LEO1: variants seen among roughly 807,000 people sequenced by gnomAD.
LEO1 encodes the protein LEO1 component of Paf1/RNA polymerase II complex.
LEO1 carries 34 observed loss-of-function variants against 80.4 expected under a neutral mutation model. The ratio of observed to expected loss-of-function variants is 0.42; its 90% CI spans 0.32 to 0.56. The LOEUF (loss-of-function observed/expected upper bound fraction) is 0.56. Among genes scored for constraint, LEO1 ranks in the 20% least tolerant of loss-of-function variants. The probability of loss-of-function intolerance (pLI) is 0.10; values close to 1 mark genes in which losing one functional copy is unlikely to be tolerated. For missense variants in LEO1, 631 were observed against 814.2 expected, an observed-to-expected ratio of 0.77 and a Z score of 2.74; for synonymous variants, 262 against 274.9, an observed-to-expected ratio of 0.95 and a Z score of 0.46.
chr15:51,959,271 T>C (rs1471199604), intron 5 of LEO1, among the ~76,000 whole-genome samples: 2 of 152,244 alleles, frequency 1.3e-5, no homozygotes, highest in African/African-American at 4.8e-5. Flanking sequence ...CCCAAAGTGC[T>C]GGGATTATAG....
intron 10 of LEO1, among the ~76,000 whole-genome samples, chr15:51,948,816 C>A (rs192418528): frequency 1.3e-5 from 2 of 152,170 alleles, no homozygotes; most frequent in Non-Finnish European, 2.9e-5. Flanking sequence ...CTTCTTAGTT[C>A]GCTTTTCACC....
chr15:51,949,739 T>TGCCAAGA, intron 10 of LEO1, 69 bp downstream of exon 10: 1 of 1,307,430 alleles, frequency 7.6e-7, no homozygotes, highest in South Asian at 1.3e-5. Flanking sequence ...GGCAGCCGGA[T>TGCCAAGA]TACATCTAAT....
At chr15:51,954,806 A>G (rs2056975905) in intron 6 of LEO1, 4 of 494,440 alleles carry the variant, frequency 8.1e-6, no homozygotes, top group Non-Finnish European at 1.1e-5. Context: ...TAGAATCATA[A>G]TCATAGAGAA....
intron 6 of LEO1, among the ~76,000 whole-genome samples, chr15:51,957,848 C>T (rs1425380513): frequency 6.6e-6 from 1 of 151,960 alleles, no homozygotes; most frequent in Admixed American, 6.6e-5. Flanking sequence ...TCGTGAAACC[C>T]TGTCTCTACT....
chr15:51,941,349 C>CCT (rs1398831180), intron 11 of LEO1, among the ~76,000 whole-genome samples: 1 of 152,036 alleles, frequency 6.6e-6, no homozygotes, highest in Non-Finnish European at 1.5e-5. Context: ...AATGCAGGTC[C>CCT]CTGTAGATAC....
At chr15:51,967,444 G>A (rs900844347) in intron 1 of LEO1, among the ~76,000 whole-genome samples, 18 of 152,202 alleles carry the variant, frequency 1.2e-4, no homozygotes, top group Non-Finnish European at 1.0e-4. Flanking sequence ...TTGCACTCTA[G>A]CCTGAGTGAC....
At position 51,954,904 on chromosome 15, in the gene LEO1, G is replaced by A. The variant is rs748288083; in HGVS notation, c.1246-329C>T. ...ACAGTAAGAATTACAAGGGTCAGGC[G>A]ATAAAACTTGAGTCCATGTGAGGCA... is the stretch of plus-strand genomic sequence containing the variant. On this transcript the variant is annotated intron_variant, in intron 6 of 11. Coordinates refer to ENST00000299601, the MANE Select transcript of LEO1 (RefSeq NM_138792.4). 25 of 184,156 alleles carry A rather than the reference G, an allele frequency of 1.4e-4. 1 individual carries two copies. The highest frequency in any genetic ancestry group is 1.4e-4 in the Non-Finnish European group (13 of 89,956). The allele number at this position is 184,156 out of a possible 1,614,324, so 11.4% of individuals were successfully genotyped here.
Position 51,965,819 on chromosome 15 carries a change from A to C in LEO1, c.744T>G (p.Asp248Glu), listed in dbSNP as rs1352502470. The C allele has an allele frequency of 6.2e-7, 1 of 1,614,050 alleles. No individual in the cohort carries two copies. Among genetic ancestry groups the C allele is most frequent in the Admixed American group, 1.7e-5 (1 of 59,996 alleles). ...CTTCATCTGAGGCCTGTGGCCTTTC[A>C]TCATCAGAATTTTGCATTTTCTCTT... ...SDEEKMQNSDDERPQASDEEH... is the reference protein window; with the variant it reads ...SDEEKMQNSDEERPQASDEEH... The change falls in exon 2 of 12, where the codon GAT becomes GAG. Residue 248 changes from aspartate (D) to glutamate (E), a missense_variant. Transcript: ENST00000299601.
Position 51,960,058 on chromosome 15 carries a change from CGGAA to C in LEO1, c.1015-18_1015-15del. 6.2e-7 allele frequency: 1 copy of C among 1,607,204 alleles called. No homozygotes were observed. The highest frequency in any genetic ancestry group is 8.5e-7 in the Non-Finnish European group (1 of 1,177,720). On this transcript the variant is annotated splice_polypyrimidine_tract_variant and intron_variant, in intron 4 of 11. Coordinates refer to ENST00000299601, the MANE Select transcript of LEO1 (RefSeq NM_138792.4). ...TCCATTTTCATCCTAGTGAAAGAATCGGAAGTTTGGAGCTTGACAGGACCTTAGA... is the reference window on the plus strand; with the variant it reads ...TCCATTTTCATCCTAGTGAAAGAATCGTTTGGAGCTTGACAGGACCTTAGA...
At chr15:51,939,077 C>T (rs1436613803) in intron 11 of LEO1, among the ~76,000 whole-genome samples, 7 of 152,070 alleles carry the variant, frequency 4.6e-5, no homozygotes, top group African/African-American at 1.7e-4. Flanking sequence ...CCCAGCTACT[C>T]GAGAGACTGA....
intron 11 of LEO1, among the ~76,000 whole-genome samples, chr15:51,939,590 T>C (rs1309255399): frequency 6.6e-6 from 1 of 152,202 alleles, no homozygotes; most frequent in Non-Finnish European, 1.5e-5. Context: ...CTCCTTTCTA[T>C]TCTGCAGGCT....
rs142218056 is a variant in LEO1, at chr15:51,951,967, C to T, written c.1488G>A (p.Thr496=). 490 of 1,612,756 alleles carry T rather than the reference C, an allele frequency of 3.0e-4. No homozygotes were observed. Among genetic ancestry groups the T allele is most frequent in the Non-Finnish European group, 3.5e-4 (408 of 1,179,218 alleles). The change falls in exon 9 of 12, where the codon ACG becomes ACA. Residue 496 remains threonine (T), a synonymous_variant. Transcript: ENST00000299601. The part of the protein sequence containing the change: ...KTKLTFRPHS[T]DSATHRKMTL... Reference sequence around the variant, plus strand: ...TCATCTTTCTATGTGTGGCACTGTCCGTAGAGTGAGGTCTGCCAGGAAATA... The same window carrying T: ...TCATCTTTCTATGTGTGGCACTGTCTGTAGAGTGAGGTCTGCCAGGAAATA...
At chr15:51,953,848 A>G (rs1756590042) in intron 7 of LEO1, among the ~76,000 whole-genome samples, 1 of 151,988 alleles carries the variant, frequency 6.6e-6, no homozygotes. Context: ...CTGTAATCCC[A>G]GCACTTGGGA....
At chr15:51,970,117 T>C (rs1018956209) in intron 1 of LEO1, among the ~76,000 whole-genome samples, 1 of 152,028 alleles carries the variant, frequency 6.6e-6, no homozygotes, top group African/African-American at 2.4e-5. Flanking sequence ...CATAATACCC[T>C]CCTCCCAAAA....
chr15:51,938,092 A>G lies in LEO1; in HGVS notation c.*64T>C. 1.3e-6 allele frequency: 1 copy of G among 766,716 alleles called. No individual in the cohort carries two copies. Among genetic ancestry groups the G allele is most frequent in the East Asian group, 2.8e-5 (1 of 35,162 alleles). 47.5% of individuals were successfully genotyped at this position (766,716 alleles called of 1,614,324 possible). A position where few individuals can be genotyped will look rare whatever the true frequency, so the allele number is the denominator to read the frequency against. On this transcript the variant is annotated 3_prime_UTR_variant, in exon 12 of 12. Coordinates refer to ENST00000299601, the MANE Select transcript of LEO1 (RefSeq NM_138792.4). ...CAAATCGATTCATTTCAATCAAAAT[A>G]ACTCATGTTTACATATTTATAACTG... is the stretch of plus-strand genomic sequence containing the variant.
chr15:51,971,638 A>G (rs575910544), intron 1 of LEO1, 50 bp downstream of exon 1: 10 of 1,593,304 alleles, frequency 6.3e-6, no homozygotes, highest in African/African-American at 1.3e-5. Flanking sequence ...TCCGGCTCCC[A>G]CAGCGGAAGG....
chr15:51,950,009 A>G lies in LEO1; in HGVS notation c.1612-15T>C, dbSNP rs1205070776. The G allele has an allele frequency of 2.5e-6, 4 of 1,602,046 alleles. No homozygotes were observed. The South Asian group carries it at 3.4e-5, about 13-fold the overall frequency. The stretch of plus-strand genomic sequence containing the variant: ...TCTTCTTCTTTCTGTAAAGAAGCAA[A>G]TAACCTCTTTAACCTAAAAAGGAGC... On this transcript the variant is annotated splice_polypyrimidine_tract_variant and intron_variant, in intron 9 of 11. Transcript: ENST00000299601.
intron 11 of LEO1, among the ~76,000 whole-genome samples, chr15:51,940,254 CAA>C (rs745641318): frequency 0.021 from 812 of 37,898 alleles, 17 homozygotes; most frequent in Admixed American, 0.1. Context: ...GACTCCGTAT[CAA>C]AAAAAAAAAA....
At chr15:51,957,747 G>A (rs563293658) in intron 6 of LEO1, among the ~76,000 whole-genome samples, 10 of 152,290 alleles carry the variant, frequency 6.6e-5, no homozygotes, top group East Asian at 5.8e-4. Flanking sequence ...AAGGCCAGGC[G>A]CGGTGGCTCA....
Sources: allele counts gnomAD v4.1 joint callset (sites outside exome capture counted in the v4.1 genomes callset), GRCh38; gene constraint gnomAD v4.1.1; transcripts MANE v1.5; gene names NCBI Gene and HGNC (gene_info 2026-07-23, HGNC 2026-07-21).